The following PTPRG variants were observed in gnomAD, a reference collection of about 807,000 sequenced individuals.
PTPRG encodes protein tyrosine phosphatase receptor type G.
In PTPRG, 102 loss-of-function variants were observed where a neutral mutation model predicts 165.3. The observed-to-expected ratio is 0.62, with a 90% CI of 0.53 to 0.73. The LOEUF is 0.73. PTPRG is among the 30% of genes least tolerant of loss of function. The pLI, the probability that PTPRG is intolerant of heterozygous loss-of-function variation, is 0.00. For missense variants in PTPRG, 1,866 were observed against 1,861.4 expected (o/e 1.00, Z -0.05); for synonymous variants, 675 against 669.5 (o/e 1.01, Z -0.13).
intron 4 of PTPRG, among the ~76,000 whole-genome samples, chr3:62,046,177 G>A (rs1480558048): frequency 1.3e-5 from 2 of 152,170 alleles, no homozygotes; most frequent in Non-Finnish European, 2.9e-5. Flanking sequence ...GTTATAACCT[G>A]TTAGGCAAGA....
chr3:62,176,506 A>G (rs144478870), intron 8 of PTPRG, among the ~76,000 whole-genome samples: 1 of 152,312 alleles, frequency 6.6e-6, no homozygotes, highest in East Asian at 1.9e-4. Flanking sequence ...GGTGACTTGA[A>G]CAACACAGTT....
intron 2 of PTPRG, among the ~76,000 whole-genome samples, chr3:61,970,901 A>T (rs2040366656): frequency 6.6e-6 from 1 of 152,146 alleles, no homozygotes; most frequent in Non-Finnish European, 1.5e-5. Flanking sequence ...GTGAGTCCAT[A>T]TATGGAAAGT....
intron 1 of PTPRG, among the ~76,000 whole-genome samples, chr3:61,718,288 A>G (rs1302733413): frequency 6.6e-6 from 1 of 151,360 alleles, no homozygotes; most frequent in Non-Finnish European, 1.5e-5. Flanking sequence ...AATTTGTTAG[A>G]TCATTGACAT....
At chr3:62,046,507 C>T (rs189042776) in intron 4 of PTPRG, among the ~76,000 whole-genome samples, 43 of 152,276 alleles carry the variant, frequency 2.8e-4, no homozygotes, top group Admixed American at 5.9e-4. Context: ...TTTCCCAAGT[C>T]TGATAGGGCT....
chr3:61,780,129 T>C (rs1230680088), intron 2 of PTPRG, among the ~76,000 whole-genome samples: 1 of 152,214 alleles, frequency 6.6e-6, no homozygotes, highest in Admixed American at 6.5e-5. Flanking sequence ...AAGTCACATA[T>C]GAAACCCAAA....
intron 2 of PTPRG, among the ~76,000 whole-genome samples, chr3:61,986,515 A>G (rs2040766549): frequency 6.6e-6 from 1 of 152,212 alleles, no homozygotes; most frequent in Non-Finnish European, 1.5e-5. Context: ...TCACATGTTG[A>G]ATGAGAAACA....
intron 2 of PTPRG, among the ~76,000 whole-genome samples, chr3:61,960,193 C>A (rs1294718404): frequency 6.6e-6 from 1 of 151,896 alleles, no homozygotes; most frequent in Non-Finnish European, 1.5e-5. Context: ...GGAATGCAAA[C>A]CCCTGAAGGC....
intron 1 of PTPRG, among the ~76,000 whole-genome samples, chr3:61,626,499 A>G: frequency 6.6e-6 from 1 of 152,212 alleles, no homozygotes; most frequent in Non-Finnish European, 1.5e-5. Flanking sequence ...TTTTCCACTT[A>G]GTATTACCGT....
At chr3:62,021,380 A>G (rs940431126) in intron 4 of PTPRG, among the ~76,000 whole-genome samples, 4 of 152,268 alleles carry the variant, frequency 2.6e-5, no homozygotes, top group Admixed American at 6.5e-5. Context: ...GATGTCTAAC[A>G]TGCTATTTGA....
chr3:62,184,395 C>T (rs1004117109), intron 8 of PTPRG, among the ~76,000 whole-genome samples: 2 of 152,180 alleles, frequency 1.3e-5, no homozygotes, highest in Admixed American at 6.5e-5. Context: ...TGAAGTCCTA[C>T]GCGGGCTGCT....
At position 62,203,745 on chromosome 3, in the gene PTPRG, C is replaced by T. The variant is rs774976952; in HGVS notation, c.1950C>T (p.Ala650=). ...TIPGHEQDHT[A]VPTDQTGGRR... ...CTGGGCATGAGCAGGATCACACTGC[C>T]GTCCCCACAGACCAGACGGGCGGAA... Residue 650 remains alanine, a synonymous_variant, in exon 12 of 30, where the codon GCC becomes GCT. Transcript: ENST00000474889. The surrounding 1 kb of genome is among the most constrained non-coding windows in gnomAD (Gnocchi z 6.4). The T allele has an allele frequency of 2.3e-5, 37 of 1,603,066 alleles. No homozygotes were observed. The highest frequency in any genetic ancestry group is 4.5e-5 in the East Asian group (2 of 44,526).
At position 62,296,304 on chromosome 3, in the gene PTPRG, G is replaced by A. The variant is rs1038095009; in HGVS notation, c.*2997G>A. On this transcript the variant is annotated 3_prime_UTR_variant, in exon 30 of 30. Coordinates refer to ENST00000474889, the MANE Select transcript of PTPRG (RefSeq NM_002841.4). ...TCCAGCGAGGCCAAAGAAGGGTTAC[G>A]GTGTTCAAGTTCTGGTTGTTGGAGT... is the stretch of plus-strand genomic sequence containing the variant. 6.6e-5 allele frequency: 10 copies of A among 151,852 alleles called. No individual in the cohort carries two copies. Among genetic ancestry groups the A allele is most frequent in the East Asian group, 3.9e-4 (2 of 5,178 alleles). 9.4% of individuals were successfully genotyped at this position (151,852 alleles called of 1,614,324 possible).
chr3:61,817,110 C>T (rs1456219113), intron 2 of PTPRG, among the ~76,000 whole-genome samples: 1 of 127,548 alleles, frequency 7.8e-6, no homozygotes, highest in Non-Finnish European at 1.6e-5. Context: ...TTACATATTA[C>T]ATATTACATA....
intron 2 of PTPRG, among the ~76,000 whole-genome samples, chr3:61,773,274 A>T (rs2107035600): frequency 6.6e-6 from 1 of 152,340 alleles, no homozygotes; most frequent in South Asian, 2.1e-4. Context: ...ACTAATTAGA[A>T]ATTTAGAAGA....
At chr3:61,677,244 C>CAAAAAA (rs11426161) in intron 1 of PTPRG, among the ~76,000 whole-genome samples, 5 of 71,542 alleles carry the variant, frequency 7.0e-5, no homozygotes, top group African/African-American at 1.4e-4. Flanking sequence ...GACTCCGTCT[C>CAAAAAA]AAAAAAAAAA....
intron 2 of PTPRG, among the ~76,000 whole-genome samples, chr3:61,772,234 T>C (rs2034232256): frequency 6.6e-6 from 1 of 152,050 alleles, no homozygotes; most frequent in Non-Finnish European, 1.5e-5. Flanking sequence ...AAATATGTTC[T>C]TGGAGACTAC....
chr3:61,948,718 G>A (rs867998958), intron 2 of PTPRG, among the ~76,000 whole-genome samples: 14 of 152,168 alleles, frequency 9.2e-5, no homozygotes, highest in African/African-American at 3.1e-4. Context: ...GGTACCTGGA[G>A]TATTGTATCA....
At chr3:61,869,337 T>C (rs2037495666) in intron 2 of PTPRG, among the ~76,000 whole-genome samples, 2 of 152,222 alleles carry the variant, frequency 1.3e-5, no homozygotes, top group Admixed American at 6.5e-5. Context: ...AAGACCATCT[T>C]GCCTGCAAAC....
intron 1 of PTPRG, among the ~76,000 whole-genome samples, chr3:61,747,956 C>A (rs918701970): frequency 6.6e-6 from 1 of 152,086 alleles, no homozygotes; most frequent in East Asian, 1.9e-4. Context: ...GGTGTGGGCT[C>A]ACAACAAAAG....
Sources: allele counts gnomAD v4.1 joint callset (sites outside exome capture counted in the v4.1 genomes callset), GRCh38; gene constraint gnomAD v4.1.1; non-coding constraint Gnocchi (gnomAD v3.1); transcripts MANE v1.5; gene names NCBI Gene and HGNC (gene_info 2026-07-23, HGNC 2026-07-21).